DCDC1: variants seen among roughly 807,000 people sequenced by gnomAD.
DCDC1 encodes doublecortin domain containing 1.
DCDC1 carries 200 observed loss-of-function variants against 178.3 expected under a neutral mutation model. That is an observed-to-expected ratio of 1.12 (90% CI 1.00 to 1.26). The LOEUF is 1.26. Among genes scored for constraint, DCDC1 ranks in the 50% most tolerant of loss-of-function variants. DCDC1 has a pLI of 0.00. For synonymous variants in DCDC1, 690 were observed against 604.8 expected (o/e 1.14, Z -2.07); for missense variants, 1,983 against 1,749.2 (o/e 1.13, Z -2.38).
chr11:31,213,448 G>A (rs981184029), intron 9 of DCDC1, among the ~76,000 whole-genome samples: 1 of 151,896 alleles, frequency 6.6e-6, no homozygotes, highest in Non-Finnish European at 1.5e-5. Context: ...GCAGGGGGCG[G>A]TGGCTTATCA....
chr11:31,035,910 T>C (rs955380346), intron 20 of DCDC1, among the ~76,000 whole-genome samples: 2 of 152,228 alleles, frequency 1.3e-5, no homozygotes, highest in African/African-American at 4.8e-5. Context: ...GATGCGTTTA[T>C]AAGAGTATAA....
intron 27 of DCDC1, among the ~76,000 whole-genome samples, chr11:30,912,866 A>T (rs1945543280): frequency 6.6e-6 from 1 of 152,178 alleles, no homozygotes; most frequent in African/African-American, 2.4e-5. Context: ...TAAAATATGG[A>T]GGATAAAAAG....
intron 20 of DCDC1, among the ~76,000 whole-genome samples, chr11:31,063,792 T>A (rs1227274063): frequency 6.6e-6 from 1 of 152,194 alleles, no homozygotes; most frequent in Non-Finnish European, 1.5e-5. Flanking sequence ...AAGAATTATA[T>A]GGCTCCTTTA....
intron 20 of DCDC1, among the ~76,000 whole-genome samples, chr11:30,964,529 T>C (rs1447338608): frequency 6.6e-6 from 1 of 152,126 alleles, no homozygotes; most frequent in Non-Finnish European, 1.5e-5. Context: ...CATCCATGAA[T>C]ACCAGCTTAC....
At chr11:31,200,633 TA>T (rs1328690976) in intron 9 of DCDC1, among the ~76,000 whole-genome samples, 25 of 152,136 alleles carry the variant, frequency 1.6e-4, no homozygotes, top group African/African-American at 5.0e-4. Context: ...CTTTTTACAT[TA>T]AAAAATAATA....
chr11:31,126,615 G>A (rs939044089), intron 11 of DCDC1, among the ~76,000 whole-genome samples: 1 of 152,118 alleles, frequency 6.6e-6, no homozygotes, highest in Non-Finnish European at 1.5e-5. Flanking sequence ...TACTTCGAAT[G>A]TTATCACATA....
At chr11:30,909,819 A>G (rs1357930379) in intron 28 of DCDC1, among the ~76,000 whole-genome samples, 1 of 152,200 alleles carries the variant, frequency 6.6e-6, no homozygotes, top group Non-Finnish European at 1.5e-5. Context: ...GAAACAATAT[A>G]TTTATTCTAA....
intron 7 of DCDC1, among the ~76,000 whole-genome samples, chr11:31,267,120 G>A (rs1343958201): frequency 6.6e-6 from 1 of 152,092 alleles, no homozygotes; most frequent in Non-Finnish European, 1.5e-5. Context: ...GCAATTCAGA[G>A]CAATGTATTG....
intron 1 of DCDC1, among the ~76,000 whole-genome samples, chr11:31,362,598 C>T (rs960737325): frequency 1.3e-5 from 2 of 152,228 alleles, no homozygotes; most frequent in Non-Finnish European, 1.5e-5. Flanking sequence ...GGCAAACAAT[C>T]TGTCATTTGT....
intron 29 of DCDC1, 45 bp from the exon 30 acceptor site, chr11:30,906,770 T>A (rs1308591726): frequency 1.3e-6 from 2 of 1,533,294 alleles, no homozygotes; most frequent in Non-Finnish European, 1.8e-6. Context: ...GCATCTAAAT[T>A]GTTATAGCAT....
At chr11:31,274,039 T>A (rs1945790596) in intron 7 of DCDC1, among the ~76,000 whole-genome samples, 1 of 152,198 alleles carries the variant, frequency 6.6e-6, no homozygotes, top group South Asian at 2.1e-4. Flanking sequence ...CATGTGGGAA[T>A]TAAAGATGAG....
chr11:31,211,185 G>C (rs1475266472), intron 9 of DCDC1, among the ~76,000 whole-genome samples: 3 of 152,152 alleles, frequency 2.0e-5, no homozygotes, highest in Admixed American at 2.0e-4. Flanking sequence ...TTGGGGATCA[G>C]AGCTAGACTG....
intron 2 of DCDC1, among the ~76,000 whole-genome samples, chr11:31,331,183 C>G (rs772936789): frequency 6.6e-6 from 1 of 150,716 alleles, no homozygotes; most frequent in Non-Finnish European, 1.5e-5. Flanking sequence ...TGATTTGGCT[C>G]TTTGTTATTG....
chr11:30,920,754 T>A (rs1554969007), intron 25 of DCDC1, 22 bp downstream of exon 25: 1 of 1,611,074 alleles, frequency 6.2e-7, no homozygotes, highest in Non-Finnish European at 8.5e-7. Context: ...AGGTAGCTTT[T>A]CAGGCTACAC....
Position 30,931,960 on chromosome 11 carries a change from A to T in DCDC1, c.2716-8T>A, listed in dbSNP as rs1565091760. On this transcript the variant is annotated splice_polypyrimidine_tract_variant and splice_region_variant and intron_variant, in intron 21 of 38. Coordinates refer to ENST00000684477, the MANE Select transcript of DCDC1 (RefSeq NM_001387274.1). ...TATTGGCCAATCAAACTCCTTCAGA[A>T]AGAAATGACAAAAACATAATAATAA... The T allele has an allele frequency of 3.8e-6, 6 of 1,594,796 alleles. No homozygotes were observed. Among genetic ancestry groups the T allele is most frequent in the Non-Finnish European group, 5.1e-6 (6 of 1,173,252 alleles).
rs189696188 is a variant in DCDC1, at chr11:31,358,294, A to C, written c.-125+11403T>G. On this transcript the variant is annotated intron_variant, in intron 1 of 38. Coordinates refer to ENST00000684477, the MANE Select transcript of DCDC1 (RefSeq NM_001387274.1). The stretch of plus-strand genomic sequence containing the variant: ...TCAGAAATAATGCTGCATATCTACA[A>C]GTATCTGATCTTTGACAAACCTGAG... Among the ~76,000 whole-genome samples the C allele has an allele frequency of 1.6e-3, 241 of 152,322 alleles. 2 individuals are homozygous for C. The highest frequency in any genetic ancestry group is 5.5e-3 in the African/African-American group (229 of 41,562).
At chr11:30,875,346 A>G (rs570934487) in intron 38 of DCDC1, among the ~76,000 whole-genome samples, 1 of 152,266 alleles carries the variant, frequency 6.6e-6, no homozygotes, top group African/African-American at 2.4e-5. Context: ...GGGTTGAGAT[A>G]TTTTCAAAGC....
chr11:31,088,021 C>T (rs866664015), intron 17 of DCDC1, among the ~76,000 whole-genome samples: 1 of 151,978 alleles, frequency 6.6e-6, no homozygotes, highest in East Asian at 1.9e-4. Flanking sequence ...AAATTAGAAT[C>T]GTTATGTTCT....
intron 20 of DCDC1, among the ~76,000 whole-genome samples, chr11:31,044,259 CAA>C (rs1240855142): frequency 1.3e-5 from 2 of 152,024 alleles, no homozygotes; most frequent in Non-Finnish European, 2.9e-5. Flanking sequence ...TGGCGGATCA[CAA>C]AGTCAGGAGA....
Sources: gnomAD v4.1 joint callset for allele counts (sites outside exome capture counted in the v4.1 genomes callset) on GRCh38, gnomAD v4.1.1 for gene constraint, MANE v1.5 for transcripts, NCBI Gene and HGNC (gene_info 2026-07-23, HGNC 2026-07-21) for gene names.